Variants in RNF150 observed in about 807,000 individuals in gnomAD.
RNF150 encodes the protein ring finger protein 150.
A neutral mutation model predicts 39.3 loss-of-function variants in RNF150; 24 were observed. The ratio of observed to expected loss-of-function variants is 0.61; its 90% CI spans 0.44 to 0.86. The LOEUF is 0.86. Among genes scored for constraint, RNF150 ranks in the 40% least tolerant of loss-of-function variants. RNF150 has a pLI of 0.00. For missense variants in RNF150, 502 were observed against 587.8 expected (o/e 0.85, Z 1.51); for synonymous variants, 255 against 227.3 (o/e 1.12, Z -1.10).
intron 1 of RNF150, among the ~76,000 whole-genome samples, chr4:141,165,117 C>G (rs375111453): frequency 6.6e-6 from 1 of 151,834 alleles, no homozygotes; most frequent in Non-Finnish European, 1.5e-5. Flanking sequence ...ACCAAGCAAA[C>G]GGAAAGCAAA....
chr4:141,049,959 A>G (rs968618212), intron 1 of RNF150, among the ~76,000 whole-genome samples: 7 of 152,126 alleles, frequency 4.6e-5, no homozygotes, highest in African/African-American at 1.7e-4. Flanking sequence ...ATGTACACAT[A>G]TATGTATGTG....
chr4:141,110,295 C>T (rs1171529358), intron 1 of RNF150, among the ~76,000 whole-genome samples: 1 of 152,168 alleles, frequency 6.6e-6, no homozygotes, highest in African/African-American at 2.4e-5. Context: ...ATTCTACTAT[C>T]TTCCCACATT....
chr4:141,139,340 G>A (rs909213480), intron 1 of RNF150, among the ~76,000 whole-genome samples: 3 of 152,348 alleles, frequency 2.0e-5, no homozygotes, highest in Middle Eastern at 3.4e-3. Flanking sequence ...TAGTTTTAGC[G>A]ACAGATGTAA....
At chr4:141,141,055 G>A (rs1347738727) in intron 1 of RNF150, among the ~76,000 whole-genome samples, 1 of 152,182 alleles carries the variant, frequency 6.6e-6, no homozygotes, top group Non-Finnish European at 1.5e-5. Context: ...ATCACACAGA[G>A]CCAGTCACAA....
intron 1 of RNF150, among the ~76,000 whole-genome samples, chr4:141,045,941 A>C (rs930748682): frequency 6.6e-6 from 1 of 152,194 alleles, no homozygotes; most frequent in African/African-American, 2.4e-5. Context: ...TATGCAATAC[A>C]TTTTATAAGA....
intron 5 of RNF150, among the ~76,000 whole-genome samples, chr4:140,921,540 C>T (rs555280791): frequency 9.2e-5 from 14 of 152,248 alleles, no homozygotes; most frequent in African/African-American, 3.4e-4. Flanking sequence ...ACCAGAGGTA[C>T]AAGGAGGAGC....
At chr4:141,092,357 A>G (rs941231837) in intron 1 of RNF150, among the ~76,000 whole-genome samples, 3 of 151,648 alleles carry the variant, frequency 2.0e-5, no homozygotes, top group African/African-American at 7.3e-5. Context: ...AAAAAAAAGG[A>G]AAAAACTCTC....
chr4:141,185,314 G>T (rs1727984989), intron 1 of RNF150, among the ~76,000 whole-genome samples: 1 of 152,086 alleles, frequency 6.6e-6, no homozygotes, highest in Non-Finnish European at 1.5e-5. Context: ...GTTCACTCAT[G>T]ATTTGGCTGT....
At chr4:140,950,923 G>A (rs578006279) in intron 2 of RNF150, among the ~76,000 whole-genome samples, 13 of 152,310 alleles carry the variant, frequency 8.5e-5, no homozygotes, top group African/African-American at 3.1e-4. Context: ...AGAAGTCCAT[G>A]AGTAGCTAGC....
At chr4:140,882,186 A>AT (rs1358703212) in intron 6 of RNF150, among the ~76,000 whole-genome samples, 1 of 151,784 alleles carries the variant, frequency 6.6e-6, no homozygotes, top group African/African-American at 2.4e-5. Flanking sequence ...CGCCCGGCTA[A>AT]TTTTTTGTAT....
intron 1 of RNF150, among the ~76,000 whole-genome samples, chr4:141,000,604 G>T (rs73858697): frequency 0.076 from 11,547 of 152,268 alleles, 498 homozygotes; most frequent in Middle Eastern, 0.16. Context: ...ATCAAGGAAT[G>T]TTGAGAAGGA....
At chr4:141,078,779 A>G (rs577080114) in intron 1 of RNF150, among the ~76,000 whole-genome samples, 8,818 of 123,494 alleles carry the variant, frequency 0.071, 453 homozygotes, top group African/African-American at 0.15. Flanking sequence ...GACAGAGCGA[A>G]ACTCCGTCTC....
chr4:140,967,965 C>A, intron 1 of RNF150, 92 bp from the exon 2 acceptor site: 2 of 1,090,626 alleles, frequency 1.8e-6, no homozygotes, highest in Non-Finnish European at 2.7e-6. Flanking sequence ...AACACGAAAC[C>A]AAATAAGGAC....
intron 1 of RNF150, among the ~76,000 whole-genome samples, chr4:140,979,752 A>G (rs1302924038): frequency 6.6e-6 from 1 of 152,106 alleles, no homozygotes; most frequent in African/African-American, 2.4e-5. Context: ...CATGAAGCCC[A>G]AACTGGGCAA....
chr4:140,987,402 C>G (rs1391892581), intron 1 of RNF150, among the ~76,000 whole-genome samples: 1 of 152,022 alleles, frequency 6.6e-6, no homozygotes, highest in Non-Finnish European at 1.5e-5. Flanking sequence ...TGTACAAAAA[C>G]TGGTACAAAA....
chr4:141,151,820 G>A (rs1463049394), intron 1 of RNF150, among the ~76,000 whole-genome samples: 5 of 152,274 alleles, frequency 3.3e-5, no homozygotes, highest in East Asian at 1.9e-4. Context: ...GAAAGCAAAT[G>A]TGTTCCCATG....
intron 1 of RNF150, among the ~76,000 whole-genome samples, chr4:141,150,284 A>G (rs1727274869): frequency 6.6e-6 from 1 of 152,196 alleles, no homozygotes; most frequent in Admixed American, 6.5e-5. Flanking sequence ...TCTTCCATTC[A>G]GTTGCCCAGG....
chr4:141,159,182 A>G (rs1026820858), intron 1 of RNF150, among the ~76,000 whole-genome samples: 2 of 152,178 alleles, frequency 1.3e-5, no homozygotes, highest in African/African-American at 4.8e-5. Context: ...TCTGTAAAGA[A>G]CTGGGTAAGA....
chr4:140,916,739 G>A (rs1003578843), intron 5 of RNF150, among the ~76,000 whole-genome samples: 1 of 152,182 alleles, frequency 6.6e-6, no homozygotes, highest in African/African-American at 2.4e-5. Context: ...ACACGTAATT[G>A]TCAGATTCAC....
Sources: gnomAD v4.1 joint callset for allele counts (sites outside exome capture counted in the v4.1 genomes callset) on GRCh38, gnomAD v4.1.1 for gene constraint, MANE v1.5 for transcripts, NCBI Gene and HGNC (gene_info 2026-07-23, HGNC 2026-07-21) for gene names.